Variants in VIM observed in about 807,000 individuals in gnomAD.
The protein encoded by VIM is epididymis secretory sperm binding protein.
A neutral mutation model predicts 50.3 loss-of-function variants in VIM; 18 were observed. The observed-to-expected ratio is 0.36, with a 90% CI of 0.25 to 0.53. The LOEUF (loss-of-function observed/expected upper bound fraction) is 0.53. Ranked by LOEUF, VIM falls within the 20% of genes least tolerant of loss-of-function variation. The probability of loss-of-function intolerance (pLI) is 0.91; values close to 1 mark genes in which losing one functional copy is unlikely to be tolerated. For missense variants in VIM, 551 were observed against 614.7 expected, an observed-to-expected ratio of 0.90 and a Z score of 1.10; for synonymous variants, 245 against 248.5, an observed-to-expected ratio of 0.99 and a Z score of 0.13.
chr10:17,235,114 G>A (rs948654401), intron 6 of VIM, 55 bp from the exon 7 acceptor site: 7 of 1,595,860 alleles, frequency 4.4e-6, no homozygotes, highest in Non-Finnish European at 6.0e-6. Flanking sequence ...ATGGTTCTGG[G>A]AACAGCTGGG....
At chr10:17,234,071 C>A in intron 5 of VIM, 140 bp downstream of exon 5, 1 of 985,562 alleles carries the variant, frequency 1.0e-6, no homozygotes. Context: ...TGTTTGCCAC[C>A]ACAGCCTCCC....
chr10:17,230,046 GC>G (rs774738678), intron 2 of VIM, 61 bp downstream of exon 2: 64 of 1,511,038 alleles, frequency 4.2e-5, no homozygotes, highest in Admixed American at 8.5e-5. Context: ...AGAGGGGAAC[GC>G]CCCCCCGGCC....
chr10:17,235,781 A>T, intron 7 of VIM, 65 bp from the exon 8 acceptor site: 1 of 1,471,654 alleles, frequency 6.8e-7, no homozygotes, highest in Admixed American at 1.7e-5. Context: ...AAAGTGTGTT[A>T]ATTTGTTCCC....
intron 3 of VIM, among the ~76,000 whole-genome samples, chr10:17,231,590 T>A (rs565472698): frequency 6.6e-6 from 1 of 152,222 alleles, no homozygotes; most frequent in African/African-American, 2.4e-5. Flanking sequence ...TTATCTAATA[T>A]CTGGCCCAGA....
intron 6 of VIM, 139 bp downstream of exon 6, chr10:17,234,957 T>A: frequency 7.3e-7 from 1 of 1,362,528 alleles, no homozygotes; most frequent in Non-Finnish European, 1.0e-6. Flanking sequence ...CAAGACAGAC[T>A]CAAAAGGGAC....
chr10:17,230,461 C>T, intron 2 of VIM, 189 bp from the exon 3 acceptor site: 1 of 736,686 alleles, frequency 1.4e-6, no homozygotes, highest in South Asian at 1.5e-5. Context: ...CGTGATTGCC[C>T]CTCTGCGCGG....
At position 17,234,743 on chromosome 10, in the gene VIM, G is replaced by A; in HGVS notation, c.933G>A (p.Gln311=). ...AANRNNDALR[Q]AKQESTEYRR... is the part of the protein sequence containing the mutation. ...ACCGGAACAATGACGCCCTGCGCCA[G>A]GCAAAGCAGGAGTCCACTGAGTACC... The change falls in exon 6 of 10, where the codon CAG becomes CAA. Residue 311 remains glutamine, a synonymous_variant. Coordinates refer to ENST00000544301, the MANE Select transcript of VIM (RefSeq NM_003380.5). 1 of 1,614,170 alleles carries A rather than the reference G, an allele frequency of 6.2e-7. No individual in the cohort carries two copies. The highest frequency in any genetic ancestry group is 1.1e-5 in the South Asian group (1 of 91,082).
intron 5 of VIM, chr10:17,234,164 G>A: frequency 2.0e-6 from 1 of 493,164 alleles, no homozygotes; most frequent in Non-Finnish European, 3.6e-6. Context: ...TGCCCAGGCT[G>A]GAGTGCAGTG....
In VIM at chr10:17,235,122, G is replaced by A. The variant is rs765234727; in HGVS notation, c.1009-47G>A. ...TCTGTAAATGGTTCTGGGAACAGCTGGGTTTTTCTGAGAAATAACACCAGA... is the reference window on the plus strand; with the variant it reads ...TCTGTAAATGGTTCTGGGAACAGCTAGGTTTTTCTGAGAAATAACACCAGA... On this transcript the variant is annotated intron_variant, in intron 6 of 9. Coordinates refer to ENST00000544301, the MANE Select transcript of VIM (RefSeq NM_003380.5). 6.2e-6 allele frequency: 10 copies of A among 1,603,254 alleles called. No individual in the cohort carries two copies. In the South Asian group the frequency reaches 1.1e-4, roughly 18 times the overall value.
intron 3 of VIM, chr10:17,230,919 TTG>T: frequency 1.9e-6 from 1 of 533,202 alleles, no homozygotes; most frequent in African/African-American, 1.9e-5. Context: ...TTTTTTTTTT[TTG>T]AGACGGAGTC....
Position 17,229,513 on chromosome 10 carries a change from G to GT in VIM, c.92dup (p.Thr32AspfsTer81). The GT allele has an allele frequency of 6.2e-7, 1 of 1,608,190 alleles. No homozygotes were observed. The highest frequency in any genetic ancestry group is 8.5e-7 in the Non-Finnish European group (1 of 1,179,212). On this transcript the variant is annotated frameshift_variant, in exon 2 of 10. Transcript: ENST00000544301. LOFTEE classifies it high-confidence loss of function. ...CCGGCCGAGCTCCAGCCGGAGCTAC[G>GT]TGACTACGTCCACCCGCACCTACAG... is the stretch of plus-strand genomic sequence containing the variant.
In VIM at chr10:17,229,999, C is replaced by T. The variant is rs776320145; in HGVS notation, c.563+14C>T. The T allele has an allele frequency of 4.4e-6, 7 of 1,603,534 alleles. No homozygotes were observed. Among genetic ancestry groups the T allele is most frequent in the Non-Finnish European group, 3.4e-6 (4 of 1,176,022 alleles). ...CCTCCGGGAGAAGTAAGGCTGCGCC[C>T]ATGCAAGTAGCTGGGCCTCGGGAGG... On this transcript the variant is annotated intron_variant, in intron 2 of 9. Transcript: ENST00000544301.
At chr10:17,235,123 G>T in intron 6 of VIM, 46 bp from the exon 7 acceptor site, 1 of 1,605,256 alleles carries the variant, frequency 6.2e-7, no homozygotes. Context: ...GGAACAGCTG[G>T]GTTTTTCTGA....
At chr10:17,230,527 C>T (rs1198920269) in intron 2 of VIM, 123 bp from the exon 3 acceptor site, 5 of 1,101,778 alleles carry the variant, frequency 4.5e-6, no homozygotes, top group Non-Finnish European at 7.0e-6. Context: ...GCTGCAGGCG[C>T]TAGTTGCGCG....
rs569704234 is a variant in VIM, at chr10:17,229,915, A to T, written c.493A>T (p.Thr165Ser). 1 of 1,612,940 alleles carries T rather than the reference A, an allele frequency of 6.2e-7. No homozygotes were observed. Among genetic ancestry groups the T allele is most frequent in the African/African-American group, 1.3e-5 (1 of 75,048 alleles). Residue 165 changes from threonine to serine, a missense_variant, in exon 2 of 10, where the codon ACC becomes TCC. Coordinates refer to ENST00000544301, the MANE Select transcript of VIM (RefSeq NM_003380.5). ...GCTGCGCCGGCAGGTGGACCAGCTAACCAACGACAAAGCCCGCGTCGAGGT... is the reference window on the plus strand; with the variant it reads ...GCTGCGCCGGCAGGTGGACCAGCTATCCAACGACAAAGCCCGCGTCGAGGT... ...RELRRQVDQL[T>S]NDKARVEVER...
In VIM at chr10:17,230,017, T is replaced by C. The variant is rs767988668; in HGVS notation, c.563+32T>C. 1.9e-6 allele frequency: 3 copies of C among 1,584,836 alleles called. No homozygotes were observed. The East Asian group carries it at 6.9e-5, about 36-fold the overall frequency. On this transcript the variant is annotated intron_variant, in intron 2 of 9. Coordinates refer to ENST00000544301, the MANE Select transcript of VIM (RefSeq NM_003380.5). The stretch of plus-strand genomic sequence containing the variant: ...CTGCGCCCATGCAAGTAGCTGGGCC[T>C]CGGGAGGGGGCTGGAGGGAGAGGGG...
chr10:17,236,709 A>C (rs1846895042), intron 9 of VIM, among the ~76,000 whole-genome samples: 1 of 152,194 alleles, frequency 6.6e-6, no homozygotes, highest in Non-Finnish European at 1.5e-5. Context: ...CCTCAATATG[A>C]GGAATGTTTT....
intron 5 of VIM, 105 bp from the exon 6 acceptor site, chr10:17,234,587 TA>T: frequency 1.3e-6 from 2 of 1,552,506 alleles, no homozygotes; most frequent in Non-Finnish European, 1.8e-6. Flanking sequence ...AACAGAAATT[TA>T]AACCTATACT....
chr10:17,235,747 C>T (rs184759606), intron 7 of VIM, 99 bp from the exon 8 acceptor site: 51 of 1,145,378 alleles, frequency 4.5e-5, no homozygotes, highest in Admixed American at 1.3e-4. Context: ...TAAAACAGTA[C>T]GTTTTCTTAC....
Sources: gnomAD v4.1 joint callset for allele counts (sites outside exome capture counted in the v4.1 genomes callset) on GRCh38, gnomAD v4.1.1 for gene constraint, MANE v1.5 for transcripts, NCBI Gene and HGNC (gene_info 2026-07-23, HGNC 2026-07-21) for gene names.